The following NAV3 variants were observed in gnomAD, a reference collection of about 807,000 sequenced individuals.
NAV3 encodes the protein pore membrane and/or filament interacting like protein 1.
A neutral mutation model predicts 244.7 loss-of-function variants in NAV3; 87 were observed. The observed-to-expected ratio is 0.36, with a 90% CI of 0.30 to 0.42. NAV3 has a LOEUF of 0.42. Ranked by LOEUF, NAV3 falls within the 20% of genes least tolerant of loss-of-function variation. The probability of loss-of-function intolerance (pLI) is 1.00; values close to 1 mark genes in which losing one functional copy is unlikely to be tolerated. For synonymous variants in NAV3, 1,126 were observed against 1,042.2 expected, an observed-to-expected ratio of 1.08 and a Z score of -1.55; for missense variants, 2,663 against 2,893.3, an observed-to-expected ratio of 0.92 and a Z score of 1.83.
chr12:77,611,948 T>A (rs1028315610), intron 2 of NAV3, among the ~76,000 whole-genome samples: 7 of 152,184 alleles, frequency 4.6e-5, no homozygotes, highest in African/African-American at 1.7e-4. Context: ...TCCCGTATAA[T>A]GTTGAGCTCA....
chr12:77,895,252 A>T (rs1200552298), intron 1 of NAV3, among the ~76,000 whole-genome samples: 1 of 152,114 alleles, frequency 6.6e-6, no homozygotes, highest in Non-Finnish European at 1.5e-5. Flanking sequence ...AGGTCAACAG[A>T]AAATTAATTG....
intron 12 of NAV3, among the ~76,000 whole-genome samples, chr12:78,085,324 C>A (rs1229380434): frequency 1.3e-5 from 2 of 152,092 alleles, no homozygotes; most frequent in African/African-American, 4.8e-5. Flanking sequence ...TTTGGGATGT[C>A]TTTTCTTGAG....
chr12:77,979,368 G>C (rs1159261380), intron 5 of NAV3, among the ~76,000 whole-genome samples: 1 of 151,716 alleles, frequency 6.6e-6, no homozygotes, highest in East Asian at 1.9e-4. Flanking sequence ...TTCCAGCCTG[G>C]TCACAGAGAT....
chr12:78,131,068 C>T (rs907199143), intron 18 of NAV3: 12 of 152,592 alleles, frequency 7.9e-5, no homozygotes, highest in Middle Eastern at 2.9e-3. Context: ...CCCTCCTGGG[C>T]CCTGAGGGTT....
chr12:78,069,029 A>G (rs1952621033), intron 12 of NAV3, among the ~76,000 whole-genome samples: 1 of 151,280 alleles, frequency 6.6e-6, no homozygotes, highest in Non-Finnish European at 1.5e-5. Flanking sequence ...ATTTGGGATC[A>G]TTAAATTGAA....
At chr12:77,853,225 T>C (rs991796652) in intron 1 of NAV3, among the ~76,000 whole-genome samples, 1 of 152,236 alleles carries the variant, frequency 6.6e-6, no homozygotes, top group Non-Finnish European at 1.5e-5. Flanking sequence ...CATACACTTA[T>C]GACTGATGGA....
intron 1 of NAV3, among the ~76,000 whole-genome samples, chr12:77,883,728 G>A (rs1882949693): frequency 6.6e-6 from 1 of 152,146 alleles, no homozygotes; most frequent in Non-Finnish European, 1.5e-5. Flanking sequence ...GATAAAGAGA[G>A]TTTTTTCCTC....
intron 2 of NAV3, among the ~76,000 whole-genome samples, chr12:77,634,513 G>T (rs1026721328): frequency 6.6e-6 from 1 of 152,168 alleles, no homozygotes; most frequent in African/African-American, 2.4e-5. Context: ...ACAGTCAGTT[G>T]TAAGCAAGAT....
intron 1 of NAV3, among the ~76,000 whole-genome samples, chr12:77,893,588 TA>T (rs533047055): frequency 1.8e-3 from 250 of 140,164 alleles, no homozygotes; most frequent in Non-Finnish European, 1.7e-3. Flanking sequence ...ATAGCCAAAC[TA>T]AAAAAAAAAA....
intron 39 of NAV3, among the ~76,000 whole-genome samples, chr12:78,208,234 C>T (rs1960531691): frequency 6.6e-6 from 1 of 152,058 alleles, no homozygotes. Flanking sequence ...TAATAACCTG[C>T]TCTCGCACAT....
chr12:77,915,001 C>T (rs727296), intron 1 of NAV3, among the ~76,000 whole-genome samples: 16,783 of 151,960 alleles, frequency 0.11, 1,064 homozygotes, highest in South Asian at 0.2. Context: ...TTACAAAATA[C>T]ATATTTAAGT....
At chr12:78,175,469 CATA>C in intron 25 of NAV3, 42 bp downstream of exon 25, 1 of 1,594,870 alleles carries the variant, frequency 6.3e-7, no homozygotes, top group Non-Finnish European at 8.5e-7. Flanking sequence ...CTTATTAATG[CATA>C]ATGTGTTAGG....
intron 2 of NAV3, among the ~76,000 whole-genome samples, chr12:77,751,555 A>G (rs956821968): frequency 2.6e-5 from 4 of 152,112 alleles, no homozygotes; most frequent in Admixed American, 1.3e-4. Context: ...CCTTCCTTCC[A>G]CCATGTGAAG....
At chr12:78,023,071 T>C (rs755090628) in intron 9 of NAV3, among the ~76,000 whole-genome samples, 11 of 152,224 alleles carry the variant, frequency 7.2e-5, no homozygotes, top group Non-Finnish European at 1.2e-4. Flanking sequence ...GTGTCTATTA[T>C]GACCAGATGT....
intron 1 of NAV3, among the ~76,000 whole-genome samples, chr12:77,905,045 T>G (rs902683383): frequency 6.6e-6 from 1 of 152,102 alleles, no homozygotes. Flanking sequence ...GATAGAGAAG[T>G]CAGTATATTC....
chr12:78,096,675 G>C (rs904486867), intron 12 of NAV3, among the ~76,000 whole-genome samples: 26 of 152,032 alleles, frequency 1.7e-4, no homozygotes, highest in African/African-American at 6.3e-4. Context: ...CAACAGACAG[G>C]AAAACCCGCC....
In NAV3 at chr12:77,722,215, A is replaced by G. The variant is rs538457174; in HGVS notation, c.72+149949A>G. Among the ~76,000 whole-genome samples the G allele has an allele frequency of 2.6e-5, 4 of 152,162 alleles. No individual in the cohort carries two copies. The East Asian group carries it at 7.7e-4, about 29-fold the overall frequency. ...AAGGAAAGGTATAAAAATGAATTCA[A>G]TCGTGTTTGGTAGTATTTTCTACAC... On this transcript the variant is annotated intron_variant, in intron 2 of 8. Transcript: ENST00000550042.
At position 77,666,179 on chromosome 12, in the gene NAV3, G is replaced by GTT. The variant is rs35767149; in HGVS notation, c.72+93931_72+93932dup. Among the ~76,000 whole-genome samples the GTT allele has an allele frequency of 8.1e-4, 97 of 119,160 alleles. 1 individual carries two copies. Among genetic ancestry groups the GTT allele is most frequent in the Non-Finnish European group, 1.1e-3 (64 of 58,038 alleles). 78.2% of individuals were successfully genotyped at this position (119,160 alleles called of 152,430 possible). ...TGCTTCCAATAGCAACATGTTTACA[G>GTT]TTTTTTTTTTTTTTTTTTTGTCTAG... On this transcript the variant is annotated intron_variant, in intron 2 of 8. Coordinates refer to the NAV3 transcript ENST00000550042.
chr12:78,158,893 T>C (rs1176580420), intron 22 of NAV3, among the ~76,000 whole-genome samples: 2 of 152,328 alleles, frequency 1.3e-5, no homozygotes, highest in East Asian at 3.9e-4. Flanking sequence ...ATTCGGCATT[T>C]TGAGTGTCAA....
Sources: gnomAD v4.1 joint callset for allele counts (sites outside exome capture counted in the v4.1 genomes callset) on GRCh38, gnomAD v4.1.1 for gene constraint, MANE v1.5 for transcripts, NCBI Gene and HGNC (gene_info 2026-07-23, HGNC 2026-07-21) for gene names.